PTPRD: variants seen among roughly 807,000 people sequenced by gnomAD.
The protein encoded by PTPRD is protein tyrosine phosphatase receptor type D, also known as receptor-type tyrosine-protein phosphatase delta.
PTPRD carries 34 observed loss-of-function variants against 214.5 expected under a neutral mutation model. The ratio of observed to expected loss-of-function variants is 0.16; its 90% confidence interval spans 0.12 to 0.21. PTPRD has a LOEUF of 0.21. PTPRD is among the 10% of genes least tolerant of loss of function. PTPRD has a pLI of 1.00. For synonymous variants in PTPRD, 1,128 were observed against 845.7 expected (o/e 1.33, Z -5.79); for missense variants, 2,545 against 2,398.7 (o/e 1.06, Z -1.27).
chr9:8,682,489 T>C (rs1334757613), intron 12 of PTPRD, among the ~76,000 whole-genome samples: 4 of 150,010 alleles, frequency 2.7e-5, no homozygotes, highest in African/African-American at 1.0e-4. Flanking sequence ...TAAAAACCCC[T>C]GTGGTACACA....
intron 8 of PTPRD, among the ~76,000 whole-genome samples, chr9:9,565,278 T>A (rs535861716): frequency 6.6e-6 from 1 of 152,036 alleles, no homozygotes; most frequent in South Asian, 2.1e-4. Flanking sequence ...TGATTAGGAA[T>A]TTTCTGATCT....
At chr9:8,379,172 A>G (rs771229669) in intron 37 of PTPRD, among the ~76,000 whole-genome samples, 2 of 152,160 alleles carry the variant, frequency 1.3e-5, no homozygotes, top group Non-Finnish European at 2.9e-5. Context: ...ATGTCTAAAT[A>G]TTACCATTTT....
At chr9:9,425,436 C>T (rs2080475604) in intron 8 of PTPRD, among the ~76,000 whole-genome samples, 1 of 146,462 alleles carries the variant, frequency 6.8e-6, no homozygotes, top group South Asian at 2.1e-4. Flanking sequence ...ATATCTTATA[C>T]ATTATATAAT....
At chr9:9,714,481 A>G (rs967094443) in intron 7 of PTPRD, among the ~76,000 whole-genome samples, 2 of 141,832 alleles carry the variant, frequency 1.4e-5, no homozygotes, top group East Asian at 4.0e-4. Context: ...TATAATGACA[A>G]TAAGAATACC....
At chr9:9,828,583 AG>A (rs1207772628) in intron 5 of PTPRD, among the ~76,000 whole-genome samples, 3 of 152,076 alleles carry the variant, frequency 2.0e-5, no homozygotes, top group Non-Finnish European at 2.9e-5. Context: ...GCACACCAAC[AG>A]GGCACATGTA....
intron 6 of PTPRD, among the ~76,000 whole-genome samples, chr9:9,759,561 T>C (rs899730759): frequency 2.0e-4 from 30 of 146,662 alleles, no homozygotes; most frequent in African/African-American, 7.6e-4. Context: ...CTGTCTTTTT[T>C]TTTTTTTTTT....
intron 37 of PTPRD, 150 bp from the exon 38 acceptor site, chr9:8,376,876 G>C: frequency 3.0e-6 from 3 of 984,058 alleles, no homozygotes; most frequent in Non-Finnish European, 4.5e-6. Flanking sequence ...CCCAATATAT[G>C]TAAATTACTG....
intron 11 of PTPRD, among the ~76,000 whole-genome samples, chr9:8,948,606 C>G (rs1387168976): frequency 8.5e-6 from 1 of 117,636 alleles, no homozygotes; most frequent in African/African-American, 3.3e-5. Flanking sequence ...AACGACATAG[C>G]TGTTATTTAA....
At chr9:8,654,886 T>C (rs2096879575) in intron 12 of PTPRD, among the ~76,000 whole-genome samples, 1 of 152,174 alleles carries the variant, frequency 6.6e-6, no homozygotes, top group Non-Finnish European at 1.5e-5. Context: ...TTGACCCTAA[T>C]ATGTGATATT....
At chr9:8,893,061 G>C (rs1160131275) in intron 11 of PTPRD, among the ~76,000 whole-genome samples, 2 of 152,138 alleles carry the variant, frequency 1.3e-5, no homozygotes, top group Non-Finnish European at 2.9e-5. Context: ...AAGTTTGATG[G>C]TGGATAAGAG....
At chr9:8,552,141 G>C (rs2082298520) in intron 14 of PTPRD, among the ~76,000 whole-genome samples, 3 of 152,094 alleles carry the variant, frequency 2.0e-5, no homozygotes, top group African/African-American at 7.2e-5. Context: ...TCCTTGCACG[G>C]TTTCTAACAG....
chr9:8,793,552 T>C (rs2096304034), intron 11 of PTPRD, among the ~76,000 whole-genome samples: 1 of 152,172 alleles, frequency 6.6e-6, no homozygotes, highest in South Asian at 2.1e-4. Context: ...TTTGGGATAA[T>C]TTGTCATAAA....
At chr9:10,485,146 C>G (rs1004653729) in intron 2 of PTPRD, among the ~76,000 whole-genome samples, 1 of 151,924 alleles carries the variant, frequency 6.6e-6, no homozygotes, top group African/African-American at 2.4e-5. Flanking sequence ...GTATTTTTGG[C>G]ATATTTCTTG....
At chr9:9,122,842 A>G (rs2099818907) in intron 10 of PTPRD, among the ~76,000 whole-genome samples, 1 of 152,222 alleles carries the variant, frequency 6.6e-6, no homozygotes, top group Non-Finnish European at 1.5e-5. Context: ...CTGGATAAAC[A>G]GTACAAACCC....
intron 11 of PTPRD, among the ~76,000 whole-genome samples, chr9:8,848,313 C>CTCTTTT (rs1338928285): frequency 9.0e-5 from 12 of 132,664 alleles, no homozygotes; most frequent in African/African-American, 1.7e-4. Flanking sequence ...AAGATTTTTC[C>CTCTTTT]TTTTTTTTTT....
intron 39 of PTPRD, among the ~76,000 whole-genome samples, chr9:8,364,572 C>T (rs886104197): frequency 6.6e-6 from 1 of 152,210 alleles, no homozygotes. Flanking sequence ...GCGGCAGATA[C>T]ACAAGGCAGC....
At chr9:10,227,973 T>A (rs896575687) in intron 3 of PTPRD, among the ~76,000 whole-genome samples, 6 of 151,944 alleles carry the variant, frequency 3.9e-5, no homozygotes, top group African/African-American at 1.4e-4. Flanking sequence ...GCCTAGAAAT[T>A]TTTCTTGTTA....
chr9:9,771,617 T>A (rs2098752446), intron 5 of PTPRD, among the ~76,000 whole-genome samples: 1 of 152,216 alleles, frequency 6.6e-6, no homozygotes, highest in Non-Finnish European at 1.5e-5. Context: ...CTTACTTTTT[T>A]CAACCTATCT....
chr9:9,700,670 C>T (rs2097481093), intron 7 of PTPRD, among the ~76,000 whole-genome samples: 1 of 152,000 alleles, frequency 6.6e-6, no homozygotes, highest in South Asian at 2.1e-4. Flanking sequence ...AATAATTCCT[C>T]ATTGTGTATA....
Sources: allele counts gnomAD v4.1 joint callset (sites outside exome capture counted in the v4.1 genomes callset), GRCh38; gene constraint gnomAD v4.1.1; transcripts MANE v1.5; gene names NCBI Gene and HGNC (gene_info 2026-07-23, HGNC 2026-07-21).